VAV1: variants seen among roughly 807,000 people sequenced by gnomAD.
VAV1 encodes the protein vav guanine nucleotide exchange factor 1.
VAV1 carries 33 observed loss-of-function variants against 128.1 expected under a neutral mutation model. The ratio of observed to expected loss-of-function variants is 0.26; its 90% CI spans 0.20 to 0.34. The LOEUF is 0.34. Ranked by LOEUF, VAV1 falls within the 10% of genes least tolerant of loss-of-function variation. The pLI is 1.00. For synonymous variants in VAV1, 394 were observed against 409.8 expected (o/e 0.96, Z 0.47); for missense variants, 715 against 1,093.7 (o/e 0.65, Z 4.88).
At chr19:6,840,690 G>A (rs1023186203) in intron 21 of VAV1, among the ~76,000 whole-genome samples, 2 of 146,278 alleles carry the variant, frequency 1.4e-5, no homozygotes, top group Non-Finnish European at 3.0e-5. Flanking sequence ...CTGCAGACTC[G>A]ACCCCCTAAG....
chr19:6,817,192 T>C (rs1180756634), intron 1 of VAV1, among the ~76,000 whole-genome samples: 4 of 151,384 alleles, frequency 2.6e-5, no homozygotes, highest in Non-Finnish European at 5.9e-5. Context: ...GGATTACAGG[T>C]GCCCGCCACC....
At position 6,799,172 on chromosome 19, in the gene VAV1, C is replaced by T. The variant is rs74216461; in HGVS notation, c.205-21530C>T. ...TTGATGGAGGTTTTTTTGTTTGTTT[C>T]GCTTTGTTTTTTTGAGATGGAGTCT... is the stretch of plus-strand genomic sequence containing the variant. On this transcript the variant is annotated intron_variant, in intron 1 of 26. Transcript: ENST00000602142. Among the ~76,000 whole-genome samples the T allele has an allele frequency of 4.6e-3, 702 of 151,684 alleles. 8 individuals carry two copies. The highest frequency in any genetic ancestry group is 0.016 in the East Asian group (80 of 5,154).
chr19:6,790,765 T>A (rs1449309269), intron 1 of VAV1, among the ~76,000 whole-genome samples: 1 of 152,134 alleles, frequency 6.6e-6, no homozygotes, highest in Non-Finnish European at 1.5e-5. Flanking sequence ...TTTATCCCGT[T>A]TTAATTATAT....
At chr19:6,816,145 G>T (rs1198760932) in intron 1 of VAV1, among the ~76,000 whole-genome samples, 1 of 150,148 alleles carries the variant, frequency 6.7e-6, no homozygotes, top group Non-Finnish European at 1.5e-5. Context: ...TCAGCCTCCC[G>T]AGTAGCTGGG....
Position 6,854,112 on chromosome 19 carries a change from G to A in VAV1, c.2484+14G>A. The A allele has an allele frequency of 1.9e-6, 3 of 1,611,766 alleles. No homozygotes were observed. The highest frequency in any genetic ancestry group is 2.5e-6 in the Non-Finnish European group (3 of 1,179,782). The stretch of plus-strand genomic sequence containing the variant: ...ATCTATGGCCGGGTGAGGCAGGCAG[G>A]GCTGGGTGACGGGGAGGGCATGGGG... On this transcript the variant is annotated intron_variant, in intron 26 of 26. Transcript: ENST00000602142.
chr19:6,854,220 G>A, intron 26 of VAV1, 122 bp downstream of exon 26: 4 of 1,269,468 alleles, frequency 3.2e-6, no homozygotes, highest in South Asian at 1.4e-5. Flanking sequence ...CACGGTGGGA[G>A]GGAAGGAAGG....
At chr19:6,853,205 C>A in intron 25 of VAV1, 126 bp downstream of exon 25, 1 of 451,270 alleles carries the variant, frequency 2.2e-6, no homozygotes, top group South Asian at 2.9e-5. Context: ...GTAGCAGGAA[C>A]CCCTTTCCAC....
intron 1 of VAV1, among the ~76,000 whole-genome samples, chr19:6,793,217 C>A (rs1971055541): frequency 6.6e-6 from 1 of 151,934 alleles, no homozygotes; most frequent in Admixed American, 6.6e-5. Flanking sequence ...GCCTGTAGTC[C>A]CAGCTACTCC....
intron 1 of VAV1, among the ~76,000 whole-genome samples, chr19:6,796,740 T>C (rs1971144812): frequency 6.6e-6 from 1 of 152,142 alleles, no homozygotes; most frequent in African/African-American, 2.4e-5. Flanking sequence ...CCTGACATTC[T>C]CCATTCCTTT....
Position 6,820,597 on chromosome 19 carries a change from C to A in VAV1, c.205-105C>A. On this transcript the variant is annotated intron_variant, in intron 1 of 26. Transcript: ENST00000602142. The surrounding 1 kb of genome is among the most constrained non-coding windows in gnomAD (Gnocchi z 4.4). ...TCAATTTCATGGAAGAGGGTCTGTG[C>A]TTTCATTTCCCCTCCACACCAGTCC... The A allele has an allele frequency of 1.2e-6, 1 of 810,870 alleles. No individual in the cohort carries two copies. The highest frequency in any genetic ancestry group is 2.1e-6 in the Non-Finnish European group (1 of 474,340). The allele number at this position is 810,870 out of a possible 1,614,324, so 50.2% of individuals were successfully genotyped here. A position where few individuals can be genotyped will look rare whatever the true frequency, so the allele number is the denominator to read the frequency against.
At chr19:6,807,057 A>G (rs937555901) in intron 1 of VAV1, among the ~76,000 whole-genome samples, 6 of 152,150 alleles carry the variant, frequency 3.9e-5, no homozygotes, top group African/African-American at 1.4e-4. Flanking sequence ...AGATTAATTT[A>G]TCATCTAAAC....
At position 6,833,719 on chromosome 19, in the gene VAV1, G is replaced by A; in HGVS notation, c.1717G>A (p.Gly573Arg). The A allele has an allele frequency of 6.2e-7, 1 of 1,614,140 alleles. No homozygotes were observed. The highest frequency in any genetic ancestry group is 8.5e-7 in the Non-Finnish European group (1 of 1,180,032). ...PCGRHGQDFP[G>R]TMKKDKLHRR... ...CCTTTACCCTCCCGTAGATTTCCCA[G>A]GAACTATGAAGAAGGTAAGACTTTC... is the stretch of plus-strand genomic sequence containing the variant. Residue 573 changes from glycine (G) to arginine (R), a missense_variant, in exon 18 of 27, where the codon GGA becomes AGA. Transcript: ENST00000602142.
At chr19:6,792,959 C>T (rs531149368) in intron 1 of VAV1, among the ~76,000 whole-genome samples, 1 of 152,268 alleles carries the variant, frequency 6.6e-6, no homozygotes, top group East Asian at 1.9e-4. Context: ...GTGCTAGGCA[C>T]ATGGACTCCA....
chr19:6,799,232 A>T (rs377015913), intron 1 of VAV1, among the ~76,000 whole-genome samples: 22 of 152,010 alleles, frequency 1.4e-4, no homozygotes, highest in Non-Finnish European at 2.9e-4. Context: ...CAGTGGCGCA[A>T]TCTCGGCTCA....
chr19:6,844,304 C>T (rs1024434553), intron 22 of VAV1, among the ~76,000 whole-genome samples: 14 of 151,654 alleles, frequency 9.2e-5, no homozygotes, highest in African/African-American at 3.1e-4. Flanking sequence ...CTGCAACCTC[C>T]ACCTCCCAGG....
chr19:6,857,113 G>A lies in VAV1; in HGVS notation c.*6G>A. Reference sequence around the variant, plus strand: ...ATTATTCTGAATACTGCTGAGCCCTGGTGCCTTGGCAGAGAGACGAGAAAC... The same window carrying A: ...ATTATTCTGAATACTGCTGAGCCCTAGTGCCTTGGCAGAGAGACGAGAAAC... On this transcript the variant is annotated 3_prime_UTR_variant, in exon 27 of 27. Coordinates refer to ENST00000602142, the MANE Select transcript of VAV1 (RefSeq NM_005428.4). The A allele has an allele frequency of 6.2e-7, 1 of 1,614,020 alleles. No homozygotes were observed. Among genetic ancestry groups the A allele is most frequent in the Non-Finnish European group, 8.5e-7 (1 of 1,179,990 alleles).
chr19:6,852,846 C>G (rs1972701808), intron 24 of VAV1, 119 bp from the exon 25 acceptor site: 1 of 711,076 alleles, frequency 1.4e-6, no homozygotes, highest in Non-Finnish European at 2.3e-6. Flanking sequence ...GGGTCACTTT[C>G]CAAAGAGGCC....
chr19:6,830,049 TTTTG>T (rs563683157), intron 14 of VAV1, 131 bp downstream of exon 14: 7 of 1,416,952 alleles, frequency 4.9e-6, no homozygotes, highest in Admixed American at 2.3e-5. Flanking sequence ...AACAGGTGTT[TTTTG>T]TTTGTTTGTT....
chr19:6,805,339 C>T (rs1026697587), intron 1 of VAV1, among the ~76,000 whole-genome samples: 7 of 151,926 alleles, frequency 4.6e-5, no homozygotes. Context: ...GCAGGAGCAT[C>T]GCTTGAACCC....
Sources: gnomAD v4.1 joint callset for allele counts (sites outside exome capture counted in the v4.1 genomes callset) on GRCh38, gnomAD v4.1.1 for gene constraint, Gnocchi (gnomAD v3.1) non-coding constraint, MANE v1.5 for transcripts, NCBI Gene and HGNC (gene_info 2026-07-23, HGNC 2026-07-21) for gene names.